The following PRDM16 variants were observed in gnomAD, a reference collection of about 807,000 sequenced individuals.
The protein encoded by PRDM16 is PR/SET domain 16, also known as histone-lysine N-methyltransferase PRDM16.
In PRDM16, 23 loss-of-function variants were observed where a neutral mutation model predicts 110.6. The ratio of observed to expected loss-of-function variants is 0.21; its 90% CI spans 0.15 to 0.29. The LOEUF is 0.29. Among genes scored for constraint, PRDM16 ranks in the 10% least tolerant of loss-of-function variants. The probability of loss-of-function intolerance (pLI) is 1.00; values close to 1 mark genes in which losing one functional copy is unlikely to be tolerated. For missense variants in PRDM16, 1,615 were observed against 1,794.3 expected, an observed-to-expected ratio of 0.90 and a Z score of 1.81; for synonymous variants, 799 against 781.8, an observed-to-expected ratio of 1.02 and a Z score of -0.37.
At chr1:3,114,386 ACG>A (rs1642891057) in intron 1 of PRDM16, among the ~76,000 whole-genome samples, 2 of 137,776 alleles carry the variant, frequency 1.5e-5, no homozygotes, top group South Asian at 2.4e-4. Flanking sequence ...GTGTAAACAG[ACG>A]CGCACGCACG....
At chr1:3,405,746 G>C in intron 8 of PRDM16, 98 bp downstream of exon 8, 3 of 1,294,892 alleles carry the variant, frequency 2.3e-6, no homozygotes, top group South Asian at 1.6e-5. Flanking sequence ...CCCCCGATCC[G>C]AGGGGCCCCA....
At chr1:3,401,946 C>G (rs913843251) in intron 5 of PRDM16, among the ~76,000 whole-genome samples, 3 of 152,252 alleles carry the variant, frequency 2.0e-5, no homozygotes, top group Admixed American at 1.3e-4. Flanking sequence ...CACATGAGTA[C>G]CCATGCAGGC....
chr1:3,247,717 G>A (rs1468666748), intron 3 of PRDM16, among the ~76,000 whole-genome samples: 1 of 151,512 alleles, frequency 6.6e-6, no homozygotes, highest in Non-Finnish European at 1.5e-5. Context: ...TGGTGCGCTC[G>A]CCCTGGTGCC....
intron 3 of PRDM16, among the ~76,000 whole-genome samples, chr1:3,283,464 C>A (rs544485125): frequency 1.3e-5 from 2 of 152,318 alleles, no homozygotes; most frequent in East Asian, 1.9e-4. Flanking sequence ...CCCAACTCAC[C>A]CACTCCCCAG....
intron 3 of PRDM16, 24 bp from the exon 4 acceptor site, chr1:3,385,128 C>G: frequency 6.2e-7 from 1 of 1,612,932 alleles, no homozygotes; most frequent in Non-Finnish European, 8.5e-7. Context: ...ACCTCTGACT[C>G]CCGCTTCGCT....
intron 8 of PRDM16, among the ~76,000 whole-genome samples, chr1:3,411,112 TTGCAGAATACACACACGCC>T (rs1474951814): frequency 3.3e-5 from 5 of 152,158 alleles, no homozygotes; most frequent in African/African-American, 1.2e-4. Flanking sequence ...ACACGCACGC[TTGCAGAATACACACACGCC>T]TGCCCAGACA....
intron 3 of PRDM16, among the ~76,000 whole-genome samples, chr1:3,334,771 G>A (rs978267563): frequency 6.6e-6 from 1 of 152,164 alleles, no homozygotes; most frequent in Non-Finnish European, 1.5e-5. Flanking sequence ...CCAAGTGCTC[G>A]CCGGGAACAG....
At chr1:3,386,057 G>C (rs114401445) in intron 4 of PRDM16, among the ~76,000 whole-genome samples, 1 of 152,202 alleles carries the variant, frequency 6.6e-6, no homozygotes, top group Non-Finnish European at 1.5e-5. Context: ...TCAAGCTTGC[G>C]AGTGGCCCCT....
intron 3 of PRDM16, among the ~76,000 whole-genome samples, chr1:3,344,609 A>G (rs1343845622): frequency 6.6e-6 from 1 of 152,112 alleles, no homozygotes; most frequent in Non-Finnish European, 1.5e-5. Flanking sequence ...TTTTTATTGT[A>G]TTGGATGTTG....
intron 3 of PRDM16, among the ~76,000 whole-genome samples, chr1:3,331,538 G>A (rs1642042176): frequency 6.6e-6 from 1 of 152,202 alleles, no homozygotes; most frequent in Non-Finnish European, 1.5e-5. Context: ...GGACACACAT[G>A]GGACGGGGGC....
intron 12 of PRDM16, among the ~76,000 whole-genome samples, chr1:3,421,927 GGCAGGCAGACAGACA>G (rs1414965070): frequency 3.7e-5 from 2 of 53,834 alleles, no homozygotes; most frequent in Non-Finnish European, 6.1e-5. Flanking sequence ...AAGACAGACA[GGCAGGCAGACAGACA>G]GGCAGGCGGA....
intron 2 of PRDM16, among the ~76,000 whole-genome samples, chr1:3,216,080 GCT>G (rs1639025365): frequency 6.6e-6 from 1 of 152,130 alleles, no homozygotes; most frequent in African/African-American, 2.4e-5. Context: ...AGTGTATGAT[GCT>G]CTTTGTCTCT....
chr1:3,304,640 A>C (rs1641273037), intron 3 of PRDM16, among the ~76,000 whole-genome samples: 1 of 152,152 alleles, frequency 6.6e-6, no homozygotes, highest in Non-Finnish European at 1.5e-5. Flanking sequence ...GTCCCCACAT[A>C]GGTTTTTTGT....
intron 3 of PRDM16, among the ~76,000 whole-genome samples, chr1:3,262,277 T>C (rs973429905): frequency 6.6e-6 from 1 of 152,212 alleles, no homozygotes; most frequent in African/African-American, 2.4e-5. Flanking sequence ...CCCTGGACTC[T>C]GAAGACCAAG....
rs996655351 is a variant in PRDM16, at chr1:3,425,343, G to A, written c.2940-238G>A. ...TCCACCCGCCTTGGCCTCCCAAAGT[G>A]CTGTGATTATAGGCGTGAACCCCTG... On this transcript the variant is annotated intron_variant, in intron 12 of 16. Transcript: ENST00000270722. The surrounding 1 kb of genome is among the most constrained non-coding windows in gnomAD (Gnocchi z 6.9). The A allele has an allele frequency of 4.9e-5, 21 of 428,248 alleles. No individual in the cohort carries two copies. Among genetic ancestry groups the A allele is most frequent in the African/African-American group, 2.6e-4 (13 of 50,106 alleles). 26.5% of individuals were successfully genotyped at this position (428,248 alleles called of 1,614,324 possible).
intron 3 of PRDM16, among the ~76,000 whole-genome samples, chr1:3,288,629 C>A (rs2100350884): frequency 6.6e-6 from 1 of 152,272 alleles, no homozygotes; most frequent in Admixed American, 6.5e-5. Context: ...AGGCCACCAC[C>A]ACCCATAGCC....
chr1:3,183,713 G>A (rs922296025), intron 1 of PRDM16, among the ~76,000 whole-genome samples: 2 of 152,208 alleles, frequency 1.3e-5, no homozygotes, highest in African/African-American at 4.8e-5. Context: ...TTCCTCCAGC[G>A]GGTCAGGGGT....
intron 1 of PRDM16, among the ~76,000 whole-genome samples, chr1:3,181,426 G>A (rs181075702): frequency 0.035 from 652 of 18,376 alleles, 229 homozygotes; most frequent in Middle Eastern, 0.12. Flanking sequence ...TTACACACGC[G>A]GTCTTACACA....
intron 3 of PRDM16, among the ~76,000 whole-genome samples, chr1:3,376,178 C>A (rs1047164549): frequency 6.6e-6 from 1 of 152,154 alleles, no homozygotes; most frequent in African/African-American, 2.4e-5. Flanking sequence ...TCTGTGACCC[C>A]TGGGGGCTTC....
Sources: allele counts gnomAD v4.1 joint callset (sites outside exome capture counted in the v4.1 genomes callset), GRCh38; gene constraint gnomAD v4.1.1; non-coding constraint Gnocchi (gnomAD v3.1); transcripts MANE v1.5; gene names NCBI Gene and HGNC (gene_info 2026-07-23, HGNC 2026-07-21).